Variants in STXBP5 observed in about 807,000 individuals in gnomAD.
The protein encoded by STXBP5 is syntaxin binding protein 5.
Under a neutral mutation model 152.4 loss-of-function variants are expected in STXBP5, and 50 were observed. The ratio of observed to expected loss-of-function variants is 0.33; its 90% CI spans 0.26 to 0.42. The LOEUF (loss-of-function observed/expected upper bound fraction) is 0.42, where lower values mean the gene tolerates loss of function less well. Ranked by LOEUF, STXBP5 falls within the 10% of genes least tolerant of loss-of-function variation. STXBP5 has a pLI of 1.00. For synonymous variants in STXBP5, 492 were observed against 494.7 expected, an observed-to-expected ratio of 0.99 and a Z score of 0.07; for missense variants, 1,167 against 1,388.6, an observed-to-expected ratio of 0.84 and a Z score of 2.54.
chr6:147,233,126 G>A (rs1410028973), intron 2 of STXBP5, among the ~76,000 whole-genome samples: 2 of 151,574 alleles, frequency 1.3e-5, no homozygotes, highest in African/African-American at 4.8e-5. Context: ...ATAAAATGAT[G>A]AAGTACAAAT....
At chr6:147,377,530 AT>A (rs937459782) in intron 26 of STXBP5, among the ~76,000 whole-genome samples, 5 of 152,170 alleles carry the variant, frequency 3.3e-5, no homozygotes, top group Non-Finnish European at 5.9e-5. Context: ...ACAGAAGCTT[AT>A]TTCTTACAGC....
intron 4 of STXBP5, among the ~76,000 whole-genome samples, chr6:147,254,028 C>T (rs1364889587): frequency 6.6e-6 from 1 of 152,148 alleles, no homozygotes; most frequent in African/African-American, 2.4e-5. Flanking sequence ...ATCACGCTAC[C>T]TGACTTCAAA....
At chr6:147,243,488 A>G (rs1054759325) in intron 4 of STXBP5, among the ~76,000 whole-genome samples, 22 of 152,180 alleles carry the variant, frequency 1.4e-4, no homozygotes, top group Admixed American at 1.4e-3. Flanking sequence ...CCTTTATCAG[A>G]TAGGTATTTT....
intron 25 of STXBP5, among the ~76,000 whole-genome samples, chr6:147,370,644 G>A (rs2128417573): frequency 6.6e-6 from 1 of 151,938 alleles, no homozygotes; most frequent in South Asian, 2.1e-4. Flanking sequence ...CGTAGAGGTG[G>A]AACATACCAA....
chr6:147,227,475 T>G (rs1279814651), intron 2 of STXBP5, among the ~76,000 whole-genome samples: 1 of 152,182 alleles, frequency 6.6e-6, no homozygotes, highest in Non-Finnish European at 1.5e-5. Flanking sequence ...CTTTGGAAAT[T>G]ATCAGTTGAT....
chr6:147,345,757 A>C (rs899242890), intron 21 of STXBP5, among the ~76,000 whole-genome samples: 4 of 152,216 alleles, frequency 2.6e-5, no homozygotes, highest in African/African-American at 7.2e-5. Flanking sequence ...AGTGGGTAGA[A>C]AAACTAAAGG....
chr6:147,343,580 GTTTT>G (rs201272282), intron 21 of STXBP5, among the ~76,000 whole-genome samples: 2,561 of 152,208 alleles, frequency 0.017, 77 homozygotes, highest in African/African-American at 0.059. Context: ...CTTGAGTCTT[GTTTT>G]ACTATGTATA....
chr6:147,369,561 A>G (rs1032901245), intron 25 of STXBP5, among the ~76,000 whole-genome samples: 1 of 152,048 alleles, frequency 6.6e-6, no homozygotes, highest in Non-Finnish European at 1.5e-5. Flanking sequence ...CAAAACATAT[A>G]TCTAATAAAG....
intron 8 of STXBP5, among the ~76,000 whole-genome samples, chr6:147,290,842 C>A (rs1430298408): frequency 6.6e-6 from 1 of 152,178 alleles, no homozygotes; most frequent in Non-Finnish European, 1.5e-5. Context: ...GTTTCTCCTG[C>A]TAGAATTTTG....
chr6:147,351,287 G>A (rs189146552), intron 21 of STXBP5, among the ~76,000 whole-genome samples: 1 of 152,260 alleles, frequency 6.6e-6, no homozygotes, highest in Non-Finnish European at 1.5e-5. Context: ...GAGAAGCAAA[G>A]GATTTAAAAT....
intron 6 of STXBP5, 36 bp downstream of exon 6, chr6:147,262,389 A>G (rs1164068980): frequency 1.6e-6 from 2 of 1,275,266 alleles, no homozygotes; most frequent in Non-Finnish European, 2.2e-6. Context: ...TATTAAATGC[A>G]CAAATTTTAG....
At chr6:147,223,973 A>G (rs1388853311) in intron 2 of STXBP5, among the ~76,000 whole-genome samples, 4 of 152,206 alleles carry the variant, frequency 2.6e-5, no homozygotes, top group Non-Finnish European at 5.9e-5. Context: ...CTTTGGAGAC[A>G]GGGCTGTGAA....
chr6:147,273,931 G>A (rs570280817), intron 7 of STXBP5, among the ~76,000 whole-genome samples: 182 of 148,964 alleles, frequency 1.2e-3, no homozygotes, highest in African/African-American at 4.4e-3. Flanking sequence ...CAGCCTGGGC[G>A]ACAGAGCGAG....
intron 10 of STXBP5, among the ~76,000 whole-genome samples, chr6:147,310,867 T>C (rs1043840284): frequency 7.2e-5 from 11 of 152,254 alleles, no homozygotes; most frequent in African/African-American, 2.6e-4. Context: ...AATATATGTA[T>C]ATATATGTAT....
rs763418862 is a variant in STXBP5 at position 147,359,219 on chromosome 6, G to C, written c.2441G>C (p.Cys814Ser). The C allele has an allele frequency of 5.0e-6, 8 of 1,614,036 alleles. No individual in the cohort carries two copies. In the Admixed American group the frequency reaches 1.3e-4, roughly 27 times the overall value. Residue 814 changes from cysteine (C) to serine (S), a missense_variant, in exon 23 of 28, where the codon TGT becomes TCT. Around this residue, in one of 3 missense-constraint regions of STXBP5, gnomAD observed 833 missense variants for 986.3 expected, o/e 0.84. Transcript: ENST00000321680. The stretch of plus-strand genomic sequence containing the variant: ...AAGACGGACTCGTCCCCTTCCCCTT[G>C]TCTATGGGTTGGAACAACGCTAGGA... ...TRKTDSSPSPCLWVGTTLGTV... is the reference protein window; with the variant it reads ...TRKTDSSPSPSLWVGTTLGTV...
chr6:147,277,567 A>G lies in STXBP5; in HGVS notation c.715-514A>G, dbSNP rs181130322. ...ATCAGAACAGTGTCCCCTGAGATTA[A>G]AAATTGCCTCAGTAATTACTGTGAG... On this transcript the variant is annotated intron_variant, in intron 7 of 27. Transcript: ENST00000321680. 2.0e-3 allele frequency among the ~76,000 whole-genome samples: 298 copies of G among 152,222 alleles called. 3 individuals carry two copies. Among genetic ancestry groups the G allele is most frequent in the Non-Finnish European group, 3.5e-3 (237 of 67,944 alleles).
chr6:147,274,588 T>C (rs1780347462), intron 7 of STXBP5, among the ~76,000 whole-genome samples: 1 of 152,174 alleles, frequency 6.6e-6, no homozygotes, highest in Non-Finnish European at 1.5e-5. Context: ...TAATGTATTA[T>C]TTATATGTGT....
intron 2 of STXBP5, among the ~76,000 whole-genome samples, chr6:147,210,770 G>T (rs902917083): frequency 6.6e-6 from 1 of 152,134 alleles, no homozygotes; most frequent in African/African-American, 2.4e-5. Context: ...ATGTGTGTGT[G>T]TAGCTTTTAC....
At chr6:147,240,565 A>C (rs1778492480) in intron 4 of STXBP5, among the ~76,000 whole-genome samples, 1 of 152,134 alleles carries the variant, frequency 6.6e-6, no homozygotes, top group Non-Finnish European at 1.5e-5. Flanking sequence ...TCAAGTGGCT[A>C]CTTTTTTCCA....
Sources: gnomAD v4.1 joint callset for allele counts (sites outside exome capture counted in the v4.1 genomes callset) on GRCh38, gnomAD v4.1.1 for gene constraint, gnomAD v4.1.1 regional missense constraint, MANE v1.5 for transcripts, NCBI Gene and HGNC (gene_info 2026-07-23, HGNC 2026-07-21) for gene names.